Variants in CPEB3 observed in about 807,000 individuals in gnomAD.
The protein encoded by CPEB3 is cytoplasmic polyadenylation element-binding protein 3.
A neutral mutation model predicts 67.2 loss-of-function variants in CPEB3; 20 were observed. That is an observed-to-expected ratio of 0.30 (90% CI 0.21 to 0.43). The LOEUF is 0.43. Among genes scored for constraint, CPEB3 ranks in the 20% least tolerant of loss-of-function variants. The pLI, the probability that CPEB3 is intolerant of heterozygous loss-of-function variation, is 1.00. For missense variants in CPEB3, 746 were observed against 968.6 expected (o/e 0.77, Z 3.05); for synonymous variants, 376 against 393.1 (o/e 0.96, Z 0.51).
intron 2 of CPEB3, among the ~76,000 whole-genome samples, chr10:92,228,939 C>T (rs1851124731): frequency 6.6e-6 from 1 of 151,956 alleles, no homozygotes; most frequent in Non-Finnish European, 1.5e-5. Context: ...GTCTTGAACT[C>T]CTGACCTCGT....
intron 3 of CPEB3, among the ~76,000 whole-genome samples, chr10:92,183,336 C>T (rs1366890576): frequency 6.6e-6 from 1 of 152,100 alleles, no homozygotes; most frequent in African/African-American, 2.4e-5. Flanking sequence ...GTTCCTAAGT[C>T]ATTTTAGAGT....
chr10:92,253,829 G>A (rs1180811035), intron 1 of CPEB3, among the ~76,000 whole-genome samples: 1 of 151,942 alleles, frequency 6.6e-6, no homozygotes, highest in Non-Finnish European at 1.5e-5. Flanking sequence ...AATAGGAGGG[G>A]GAGCCTTAGG....
At chr10:92,171,831 T>A (rs1590298088) in intron 4 of CPEB3, among the ~76,000 whole-genome samples, 1 of 152,122 alleles carries the variant, frequency 6.6e-6, no homozygotes, top group East Asian at 1.9e-4. Flanking sequence ...GCCAGGCTGG[T>A]CTTGAACTCC....
chr10:92,257,369 A>T (rs1852561803), intron 1 of CPEB3, among the ~76,000 whole-genome samples: 1 of 152,178 alleles, frequency 6.6e-6, no homozygotes, highest in Non-Finnish European at 1.5e-5. Context: ...ATCAGAGCTC[A>T]CTGCAGCCTC....
chr10:92,135,650 C>T (rs937313354), intron 6 of CPEB3, among the ~76,000 whole-genome samples: 2 of 152,138 alleles, frequency 1.3e-5, no homozygotes, highest in African/African-American at 4.8e-5. Context: ...ACCCAGTGAT[C>T]CCATTACTAG....
chr10:92,106,748 G>C (rs893539888), intron 7 of CPEB3, among the ~76,000 whole-genome samples: 1 of 139,818 alleles, frequency 7.2e-6, no homozygotes, highest in East Asian at 2.3e-4. Context: ...TCAGAAGGCA[G>C]AGGTTGCAGT....
Position 92,098,075 on chromosome 10 carries a change from C to T in CPEB3, c.1573-6131G>A, listed in dbSNP as rs530146269. 7.4e-5 allele frequency among the ~76,000 whole-genome samples: 10 copies of T among 135,724 alleles called. No individual in the cohort carries two copies. The South Asian group carries it at 1.0e-3, about 14-fold the overall frequency. 89.0% of individuals were successfully genotyped at this position (135,724 alleles called of 152,430 possible). A position where few individuals can be genotyped will look rare whatever the true frequency, so the allele number is the denominator to read the frequency against. The stretch of plus-strand genomic sequence containing the variant: ...ACTTGGGAGGCTGAGGCAGGAGAAT[C>T]GCTTGAACCCAGGAAGTGGATGCTA... On this transcript the variant is annotated intron_variant, in intron 7 of 9. Transcript: ENST00000265997.
chr10:92,129,129 G>A (rs1845726753), intron 6 of CPEB3, among the ~76,000 whole-genome samples: 1 of 152,194 alleles, frequency 6.6e-6, no homozygotes, highest in South Asian at 2.1e-4. Flanking sequence ...AGAAAACGTG[G>A]TACATATATA....
intron 6 of CPEB3, among the ~76,000 whole-genome samples, chr10:92,121,152 G>C (rs1845355526): frequency 6.6e-6 from 1 of 151,808 alleles, no homozygotes; most frequent in Non-Finnish European, 1.5e-5. Context: ...GGGACTACAG[G>C]CACGTGCCAC....
intron 3 of CPEB3, among the ~76,000 whole-genome samples, chr10:92,186,221 A>T (rs1431686708): frequency 1.4e-5 from 2 of 141,360 alleles, no homozygotes; most frequent in Non-Finnish European, 3.2e-5. Context: ...AAAAAAAAAA[A>T]ATACAAAAAA....
At chr10:92,121,152 G>A (rs1845355526) in intron 6 of CPEB3, among the ~76,000 whole-genome samples, 1 of 151,808 alleles carries the variant, frequency 6.6e-6, no homozygotes, top group Admixed American at 6.6e-5. Flanking sequence ...GGGACTACAG[G>A]CACGTGCCAC....
At chr10:92,093,294 T>A (rs1469999172) in intron 7 of CPEB3, among the ~76,000 whole-genome samples, 1 of 152,200 alleles carries the variant, frequency 6.6e-6, no homozygotes, top group Admixed American at 6.5e-5. Flanking sequence ...AAAGTTGACT[T>A]TTCATTTCCT....
intron 2 of CPEB3, among the ~76,000 whole-genome samples, chr10:92,226,064 T>G (rs899389819): frequency 6.6e-6 from 1 of 152,128 alleles, no homozygotes; most frequent in African/African-American, 2.4e-5. Context: ...ACCAATGCAC[T>G]CCAGCCTGGG....
intron 6 of CPEB3, among the ~76,000 whole-genome samples, chr10:92,123,541 G>A (rs1473039929): frequency 1.3e-5 from 2 of 152,132 alleles, no homozygotes; most frequent in Non-Finnish European, 2.9e-5. Flanking sequence ...TAAATTACTT[G>A]CTCAATGTCA....
At chr10:92,138,395 CCAGCCAGGATTCATTCTTGGGAAA>C in intron 6 of CPEB3, 1 of 176,422 alleles carries the variant, frequency 5.7e-6, no homozygotes, top group Non-Finnish European at 1.2e-5. Context: ...CTACCTAGCC[CCAGCCAGGATTCATTCTTGGGAAA>C]CTGAGGAGCA....
intron 1 of CPEB3, among the ~76,000 whole-genome samples, chr10:92,249,357 GAC>G (rs1466451218): frequency 1.4e-5 from 2 of 143,134 alleles, no homozygotes; most frequent in Non-Finnish European, 3.0e-5. Context: ...CCAGTCTGGT[GAC>G]AGAGCGAGAC....
intron 4 of CPEB3, among the ~76,000 whole-genome samples, chr10:92,152,711 C>T (rs1482904540): frequency 6.6e-6 from 1 of 152,158 alleles, no homozygotes; most frequent in Non-Finnish European, 1.5e-5. Context: ...TTTTAGATAG[C>T]TATCTCTCCA....
intron 6 of CPEB3, among the ~76,000 whole-genome samples, chr10:92,115,492 A>G (rs939150380): frequency 7.9e-5 from 12 of 152,234 alleles, no homozygotes; most frequent in African/African-American, 2.9e-4. Context: ...ACAGGGCCTT[A>G]GATGGAATGA....
chr10:92,224,264 G>A (rs182563639), intron 2 of CPEB3, among the ~76,000 whole-genome samples: 1 of 152,216 alleles, frequency 6.6e-6, no homozygotes, highest in East Asian at 1.9e-4. Flanking sequence ...CTGGTTTCCC[G>A]AGTTTGGTTC....
Sources: gnomAD v4.1 joint callset for allele counts (sites outside exome capture counted in the v4.1 genomes callset) on GRCh38, gnomAD v4.1.1 for gene constraint, MANE v1.5 for transcripts, NCBI Gene and HGNC (gene_info 2026-07-23, HGNC 2026-07-21) for gene names.